Variants in NPHP4 observed in about 807,000 individuals in gnomAD.
NPHP4 encodes nephrocystin-4.
In NPHP4, 151 loss-of-function variants were observed where a neutral mutation model predicts 155.8. The ratio of observed to expected loss-of-function variants is 0.97; its 90% CI spans 0.85 to 1.11. The LOEUF (loss-of-function observed/expected upper bound fraction) is 1.11. Among genes scored for constraint, NPHP4 ranks in the 50% least tolerant of loss-of-function variants. NPHP4 has a pLI of 0.00. For synonymous variants in NPHP4, 845 were observed against 816.8 expected (o/e 1.03, Z -0.59); for missense variants, 1,956 against 1,925.7 (o/e 1.02, Z -0.29).
chr1:5,967,963 T>C (rs1175329593), intron 4 of NPHP4, among the ~76,000 whole-genome samples: 2 of 152,080 alleles, frequency 1.3e-5, no homozygotes, highest in African/African-American at 4.8e-5. Context: ...GAAAGGATGA[T>C]GCGCCAGCCT....
chr1:5,873,219 C>T (rs1406992833), intron 23 of NPHP4, 33 bp downstream of exon 23: 1 of 1,570,214 alleles, frequency 6.4e-7, no homozygotes, highest in Non-Finnish European at 8.8e-7. Flanking sequence ...CCAGGAAGCC[C>T]CGAGATCAGT....
At chr1:5,879,774 T>C (rs1055556236) in intron 19 of NPHP4, 1 of 334,062 alleles carries the variant, frequency 3.0e-6, no homozygotes, top group Middle Eastern at 9.5e-4. Context: ...CCACGAATGG[T>C]GCGCACACAC....
At chr1:5,872,485 A>G (rs1265809286) in intron 23 of NPHP4, among the ~76,000 whole-genome samples, 1 of 152,258 alleles carries the variant, frequency 6.6e-6, no homozygotes. Flanking sequence ...AATAAAGATC[A>G]GATACATTCC....
intron 16 of NPHP4, among the ~76,000 whole-genome samples, chr1:5,897,685 G>C (rs912488651): frequency 1.3e-5 from 2 of 152,136 alleles, no homozygotes; most frequent in African/African-American, 4.8e-5. Context: ...AGATTAAAGT[G>C]ATAATTACAA....
At chr1:5,981,576 T>C (rs1654705909) in intron 2 of NPHP4, among the ~76,000 whole-genome samples, 2 of 152,338 alleles carry the variant, frequency 1.3e-5, no homozygotes, top group South Asian at 4.1e-4. Flanking sequence ...GCCAACACCT[T>C]TCACAGGGAA....
chr1:5,955,155 G>A (rs946144438), intron 6 of NPHP4, among the ~76,000 whole-genome samples: 4 of 152,168 alleles, frequency 2.6e-5, no homozygotes, highest in Admixed American at 1.3e-4. Flanking sequence ...AGTCATCAGG[G>A]AAGTGAAAAT....
intron 16 of NPHP4, among the ~76,000 whole-genome samples, chr1:5,897,783 A>T (rs566833120): frequency 1.2e-4 from 18 of 152,242 alleles, no homozygotes; most frequent in Non-Finnish European, 1.2e-4. Flanking sequence ...AATTTGTGTT[A>T]TCTTAAATGT....
At chr1:5,971,368 G>T (rs1652532589) in intron 3 of NPHP4, among the ~76,000 whole-genome samples, 1 of 152,220 alleles carries the variant, frequency 6.6e-6, no homozygotes, top group Non-Finnish European at 1.5e-5. Context: ...AGTGCAGCAT[G>T]TTTGAAAAGT....
intron 2 of NPHP4, among the ~76,000 whole-genome samples, chr1:5,984,511 G>T (rs990810712): frequency 9.2e-5 from 14 of 152,078 alleles, no homozygotes; most frequent in African/African-American, 3.4e-4. Flanking sequence ...CTACAGCCTG[G>T]GTGACAGAGT....
rs764656058 is a variant in NPHP4 at position 5,877,231 on chromosome 1, G to A, written c.2679C>T (p.Thr893=). 5 of 1,608,692 alleles carry A rather than the reference G, an allele frequency of 3.1e-6. No individual in the cohort carries two copies. The highest frequency in any genetic ancestry group is 4.2e-6 in the Non-Finnish European group (5 of 1,176,844). ...GGGGCCCCTTGCCCTGCCGGGCATG[G>A]GTCAGTAGCATGGCAGCCAGCTCAC... is the stretch of plus-strand genomic sequence containing the variant. The part of the protein sequence containing the change: ...VDSELAAMLL[T]HARQGKGPQD... The change falls in exon 20 of 30, where the codon ACC becomes ACT. Residue 893 remains threonine, a synonymous_variant. Transcript: ENST00000378156.
intron 10 of NPHP4, among the ~76,000 whole-genome samples, chr1:5,930,643 A>G (rs1034332218): frequency 4.6e-5 from 7 of 152,222 alleles, no homozygotes; most frequent in African/African-American, 1.7e-4. Flanking sequence ...TACATCCTGT[A>G]TAATCTCAAC....
intron 11 of NPHP4, among the ~76,000 whole-genome samples, chr1:5,923,417 G>A (rs1386050286): frequency 6.6e-6 from 1 of 152,214 alleles, no homozygotes; most frequent in African/African-American, 2.4e-5. Context: ...AGCTTACTGT[G>A]TTCAGTGAGT....
intron 7 of NPHP4, 81 bp downstream of exon 7, chr1:5,952,617 CTG>C: frequency 6.5e-6 from 2 of 309,098 alleles, no homozygotes; most frequent in South Asian, 4.9e-5. Context: ...CACCCCTACC[CTG>C]CCCCACCTCC....
At chr1:5,945,981 G>A (rs745956472) in intron 9 of NPHP4, among the ~76,000 whole-genome samples, 21 of 152,142 alleles carry the variant, frequency 1.4e-4, no homozygotes, top group Non-Finnish European at 2.8e-4. Context: ...CAGTTGAGAG[G>A]TAGAGAGAGA....
intron 6 of NPHP4, among the ~76,000 whole-genome samples, chr1:5,957,572 T>C (rs917665648): frequency 5.3e-5 from 7 of 131,106 alleles, no homozygotes; most frequent in African/African-American, 1.9e-4. Context: ...GCTGCAACAG[T>C]GGGATATTTA....
At chr1:5,958,631 G>A (rs1368629609) in intron 6 of NPHP4, among the ~76,000 whole-genome samples, 7 of 151,476 alleles carry the variant, frequency 4.6e-5, no homozygotes, top group Admixed American at 4.6e-4. Context: ...GAAGGCGGAG[G>A]TTGTAGTGAG....
At chr1:5,898,655 C>T (rs1049475360) in intron 16 of NPHP4, among the ~76,000 whole-genome samples, 1 of 152,254 alleles carries the variant, frequency 6.6e-6, no homozygotes, top group Non-Finnish European at 1.5e-5. Flanking sequence ...CACTCAGACA[C>T]CTGAGTCTCT....
rs201998215 is a variant in NPHP4 at position 5,978,292 on chromosome 1, G to A, written c.257C>T (p.Pro86Leu). ...KTTVKPTKRP[P>L]SRIVFNEPLY... ...CACCTCATTAAAGACGATCCTGGAC[G>A]GCGGTCTCTTCGTCGGCTTCACTGT... The change falls in exon 3 of 30, where the codon CCG (proline) becomes CTG (leucine). Residue 86 changes from proline (P) to leucine (L), a missense_variant. Transcript: ENST00000378156. 317 of 1,608,102 alleles carry A rather than the reference G, an allele frequency of 2.0e-4. No individual in the cohort carries two copies. The highest frequency in any genetic ancestry group is 7.1e-4 in the Admixed American group (42 of 59,212).
intron 20 of NPHP4, 89 bp from the exon 21 acceptor site, chr1:5,875,189 C>G (rs529349913): frequency 2.1e-6 from 2 of 965,486 alleles, no homozygotes; most frequent in East Asian, 5.2e-5. Flanking sequence ...CCCGCGATCT[C>G]AGAAGAGGAC....
Sources: gnomAD v4.1 joint callset for allele counts (sites outside exome capture counted in the v4.1 genomes callset) on GRCh38, gnomAD v4.1.1 for gene constraint, MANE v1.5 for transcripts, NCBI Gene and HGNC (gene_info 2026-07-23, HGNC 2026-07-21) for gene names.